PRH1: variants seen among roughly 807,000 people sequenced by gnomAD.
PRH1 encodes the protein proline rich protein HaeIII subfamily 1, also known as salivary acidic proline-rich phosphoprotein 1/2.
A neutral mutation model predicts 7.9 loss-of-function variants in PRH1; 7 were observed. The ratio of observed to expected loss-of-function variants is 0.89; its 90% CI spans 0.50 to 1.67. PRH1 has a LOEUF of 1.67. Among genes scored for constraint, PRH1 ranks in the 40% most tolerant of loss-of-function variants. The pLI, the probability that PRH1 is intolerant of heterozygous loss-of-function variation, is 0.00. For synonymous variants in PRH1, 45 were observed against 80.8 expected (o/e 0.56, Z 2.38); for missense variants, 109 against 223.6 (o/e 0.49, Z 3.27).
At chr12:11,063,893 TTTA>T (rs879333823) in intron 1 of PRH1, among the ~76,000 whole-genome samples, 1 of 152,128 alleles carries the variant, frequency 6.6e-6, no homozygotes, top group Non-Finnish European at 1.5e-5. Flanking sequence ...ATACAAATAG[TTTA>T]TTATTGCCAT....
chr12:10,908,865 A>G (rs1263953911), intron 2 of PRH1: 1 of 1,612,926 alleles, frequency 6.2e-7, no homozygotes, highest in Non-Finnish European at 8.5e-7. Context: ...TATTTGTATC[A>G]GATTTAAAAA....
intron 1 of PRH1, among the ~76,000 whole-genome samples, chr12:11,143,343 A>ATAGTAATCGCATAGTAATCGCAAATT (rs1946762714): frequency 6.6e-6 from 1 of 152,218 alleles, no homozygotes; most frequent in African/African-American, 2.4e-5. Flanking sequence ...ATCGCAAATC[A>ATAGTAATCGCATAGTAATCGCAAATT]AAAAACATAA....
intron 2 of PRH1, chr12:10,908,341 T>A: frequency 6.5e-7 from 1 of 1,529,540 alleles, no homozygotes; most frequent in Non-Finnish European, 8.8e-7. Flanking sequence ...CTGTCTGCAA[T>A]ATTCAATAAT....
intron 1 of PRH1, among the ~76,000 whole-genome samples, chr12:10,993,944 G>C (rs922236636): frequency 7.2e-5 from 11 of 152,206 alleles, no homozygotes; most frequent in African/African-American, 2.7e-4. Context: ...AGTGCCCTCT[G>C]TCTCAAAAAC....
At chr12:11,021,955 A>G in intron 1 of PRH1, 1 of 1,613,658 alleles carries the variant, frequency 6.2e-7, no homozygotes, top group East Asian at 2.2e-5. Flanking sequence ...CATCTTCTTG[A>G]GATGTTTACA....
intron 1 of PRH1, chr12:11,133,404 A>C: frequency 6.2e-7 from 1 of 1,613,972 alleles, no homozygotes; most frequent in Non-Finnish European, 8.5e-7. Context: ...TTGTTTCCCA[A>C]AATCAGGATG....
At chr12:11,150,216 T>C (rs926702454) in intron 1 of PRH1, among the ~76,000 whole-genome samples, 39 of 151,328 alleles carry the variant, frequency 2.6e-4, no homozygotes, top group African/African-American at 8.2e-4. Context: ...TTTTACACTG[T>C]TGGTGGGACT....
intron 2 of PRH1, among the ~76,000 whole-genome samples, chr12:10,952,978 G>A (rs530904866): frequency 9.9e-5 from 15 of 152,254 alleles, no homozygotes; most frequent in African/African-American, 3.6e-4. Flanking sequence ...ATGTTGAGGT[G>A]CCAGAGAACA....
intron 1 of PRH1, among the ~76,000 whole-genome samples, chr12:11,010,447 C>G (rs983381708): frequency 6.6e-6 from 1 of 151,778 alleles, no homozygotes; most frequent in Admixed American, 6.6e-5. Context: ...TTATATTATT[C>G]TCAGTATCAG....
intron 1 of PRH1, chr12:11,061,230 TA>T (rs1943586281): frequency 3.0e-6 from 4 of 1,321,704 alleles, no homozygotes; most frequent in Non-Finnish European, 3.1e-6. Context: ...TAACGTTAGG[TA>T]AAAGACTTTT....
intron 1 of PRH1, among the ~76,000 whole-genome samples, chr12:11,052,854 T>G (rs1591900017): frequency 6.6e-6 from 1 of 152,194 alleles, no homozygotes; most frequent in South Asian, 2.1e-4. Flanking sequence ...TGAACATTAT[T>G]TTCTATAGGA....
chr12:10,962,892 C>T (rs1198492714), intron 2 of PRH1, among the ~76,000 whole-genome samples: 3 of 152,248 alleles, frequency 2.0e-5, no homozygotes, highest in African/African-American at 7.2e-5. Flanking sequence ...GCCTCAGCCT[C>T]CCGAGTAGCT....
chr12:11,121,407 G>A (rs1472460608), intron 1 of PRH1, among the ~76,000 whole-genome samples: 1 of 151,928 alleles, frequency 6.6e-6, no homozygotes, highest in African/African-American at 2.4e-5. Flanking sequence ...ATTTTTTTGA[G>A]GAATATTAGG....
intron 1 of PRH1, among the ~76,000 whole-genome samples, chr12:11,109,101 G>A (rs1451990493): frequency 2.0e-5 from 3 of 152,214 alleles, no homozygotes; most frequent in Non-Finnish European, 4.4e-5. Flanking sequence ...AACCACTGTA[G>A]CCAAACTGCC....
chr12:10,976,739 C>T (rs1222016968), intron 1 of PRH1, among the ~76,000 whole-genome samples: 1 of 151,714 alleles, frequency 6.6e-6, no homozygotes, highest in Non-Finnish European at 1.5e-5. Flanking sequence ...GGGACATTAC[C>T]ACTGACCCCA....
At chr12:10,976,438 T>C (rs561074622) in intron 1 of PRH1, among the ~76,000 whole-genome samples, 1 of 152,278 alleles carries the variant, frequency 6.6e-6, no homozygotes, top group Admixed American at 6.5e-5. Context: ...AGAGGAAAGT[T>C]TGTAGCACTA....
chr12:11,010,814 C>T (rs987538044), intron 1 of PRH1, among the ~76,000 whole-genome samples: 7 of 132,514 alleles, frequency 5.3e-5, no homozygotes, highest in African/African-American at 1.7e-4. Context: ...TTTTTAATTA[C>T]ATGACTGATT....
At chr12:10,883,194 T>C in intron 1 of PRH1, 98 bp from the exon 2 acceptor site, 1 of 1,357,310 alleles carries the variant, frequency 7.4e-7, no homozygotes, top group Non-Finnish European at 1.0e-6. Context: ...TCACACCCTG[T>C]GCATCCCCTT....
intron 2 of PRH1, among the ~76,000 whole-genome samples, chr12:10,962,799 T>A (rs1224499443): frequency 6.6e-6 from 1 of 152,272 alleles, no homozygotes; most frequent in East Asian, 1.9e-4. Context: ...AGACGGAGTC[T>A]CGCTCTGTCG....
Sources: allele counts gnomAD v4.1 joint callset (sites outside exome capture counted in the v4.1 genomes callset), GRCh38; gene constraint gnomAD v4.1.1; transcripts MANE v1.5; gene names NCBI Gene and HGNC (gene_info 2026-07-23, HGNC 2026-07-21).